The following HMGXB4 variants were observed in gnomAD, a reference collection of about 807,000 sequenced individuals.
HMGXB4 encodes HMG-box containing 4, also known as HMG domain-containing protein 4.
HMGXB4 carries 27 observed loss-of-function variants against 63.9 expected under a neutral mutation model. The ratio of observed to expected loss-of-function variants is 0.42; its 90% confidence interval spans 0.31 to 0.58. The LOEUF (loss-of-function observed/expected upper bound fraction) is 0.58. Ranked by LOEUF, HMGXB4 falls within the 20% of genes least tolerant of loss-of-function variation. HMGXB4 has a pLI of 0.13. For missense variants in HMGXB4, 624 were observed against 700.7 expected (o/e 0.89, Z 1.24); for synonymous variants, 264 against 265.3 (o/e 0.99, Z 0.05).
the HMGXB4 span, among the ~76,000 whole-genome samples, chr22:35,251,628 T>C: frequency 2.0e-5 from 3 of 152,220 alleles, no homozygotes; most frequent in African/African-American, 4.8e-5. Flanking sequence ...TTACCAGGTG[T>C]GTGGGAAAAT....
At chr22:35,256,538 C>A (rs548912293), upstream of HMGXB4, among the ~76,000 whole-genome samples, 134 of 152,226 alleles carry the variant, frequency 8.8e-4, no homozygotes, top group Non-Finnish European at 1.7e-3. Flanking sequence ...CTCACTCTGT[C>A]CCCCAGGCTG....
At chr22:35,266,686 G>A (rs550259788) in intron 5 of HMGXB4, among the ~76,000 whole-genome samples, 1 of 152,294 alleles carries the variant, frequency 6.6e-6, no homozygotes, top group East Asian at 1.9e-4. Context: ...AAAATCAAAT[G>A]TATTAAGAAT....
chr22:35,265,133 C>T lies in HMGXB4; in HGVS notation c.745C>T (p.Arg249Trp), dbSNP rs1188711145. The T allele has an allele frequency of 3.7e-6, 6 of 1,614,002 alleles. No individual in the cohort carries two copies. Among genetic ancestry groups the T allele is most frequent in the Admixed American group, 1.7e-5 (1 of 60,010 alleles). ...GTTACAGAGCTTTCTGAAAACAGCC[C>T]GGAAAAAGCACAAGTCATCCTCAGA... ...HELQSFLKTA[R>W]KKHKSSSDAH... The change falls in exon 5 of 11, where the codon CGG (arginine) becomes TGG (tryptophan). Residue 249 changes from arginine (R) to tryptophan (W), a missense_variant. Transcript: ENST00000216106.
At chr22:35,290,248 C>T (rs1476241649) in intron 9 of HMGXB4, among the ~76,000 whole-genome samples, 1 of 152,146 alleles carries the variant, frequency 6.6e-6, no homozygotes, top group Admixed American at 6.5e-5. Flanking sequence ...TTAGTAAGTA[C>T]AAAGTTCACC....
At chr22:35,261,308 C>CGT (rs1922837308) in intron 1 of HMGXB4, among the ~76,000 whole-genome samples, 1 of 151,794 alleles carries the variant, frequency 6.6e-6, no homozygotes, top group South Asian at 2.1e-4. Context: ...CGGTGGCAGG[C>CGT]GCCTGTAATC....
chr22:35,267,538 T>C (rs1013111949), intron 5 of HMGXB4, among the ~76,000 whole-genome samples: 3 of 152,188 alleles, frequency 2.0e-5, no homozygotes, highest in Non-Finnish European at 2.9e-5. Context: ...AACTGAACTC[T>C]ACTTGTGCAA....
chr22:35,261,391 G>A (rs551051622), intron 1 of HMGXB4, among the ~76,000 whole-genome samples: 21 of 148,836 alleles, frequency 1.4e-4, no homozygotes, highest in East Asian at 1.2e-3. Context: ...AACCAATATC[G>A]TGCCACTGCA....
chr22:35,244,990 AG>A, the HMGXB4 span, among the ~76,000 whole-genome samples: 1 of 152,202 alleles, frequency 6.6e-6, no homozygotes, highest in Non-Finnish European at 1.5e-5. Context: ...CTCCTGCCTC[AG>A]CCTCCCGAGT....
chr22:35,293,253 A>G lies in HMGXB4; in HGVS notation c.1761+139A>G, dbSNP rs572121564. On this transcript the variant is annotated intron_variant, in intron 10 of 10. Transcript: ENST00000216106. ...CTGTTGGCCCATGGAACATGATGCT[A>G]TATTATCAAATGCATGCTGTACTTT... 75 of 929,552 alleles carry G rather than the reference A, an allele frequency of 8.1e-5. No homozygotes were observed. The East Asian group carries it at 1.4e-3, about 17-fold the overall frequency. 57.6% of individuals were successfully genotyped at this position (929,552 alleles called of 1,614,324 possible).
chr22:35,285,501 C>T (rs1213081897), intron 6 of HMGXB4, among the ~76,000 whole-genome samples: 3 of 152,066 alleles, frequency 2.0e-5, no homozygotes, highest in African/African-American at 7.2e-5. Context: ...GTTGAGATCA[C>T]GCCACTTCAC....
At chr22:35,249,953 C>A in the HMGXB4 span, 4 of 98,386 alleles carry the variant, frequency 4.1e-5, 2 homozygotes, top group Non-Finnish European at 1.1e-4. Context: ...TGGCCCAGGT[C>A]CTTCCAGGTT....
At chr22:35,263,289 AGTTTTTTTTT>A (rs1204571520) in intron 3 of HMGXB4, 63 bp downstream of exon 3, 5 of 1,259,280 alleles carry the variant, frequency 4.0e-6, no homozygotes, top group Admixed American at 2.3e-5. Flanking sequence ...GGTGATGCAG[AGTTTTTTTTT>A]GTTTTTTTTT....
chr22:35,276,803 G>A (rs1236585180), intron 5 of HMGXB4, among the ~76,000 whole-genome samples: 2 of 152,130 alleles, frequency 1.3e-5, no homozygotes, highest in African/African-American at 4.8e-5. Context: ...CTAAAATAGT[G>A]TTTTTAGTTT....
In HMGXB4 at chr22:35,263,831, C is replaced by G; in HGVS notation, c.216C>G (p.His72Gln). 1 of 1,613,488 alleles carries G rather than the reference C, an allele frequency of 6.2e-7. No homozygotes were observed. The highest frequency in any genetic ancestry group is 8.5e-7 in the Non-Finnish European group (1 of 1,179,470). The change falls in exon 4 of 11, where the codon CAC becomes CAG. Residue 72 changes from histidine (H) to glutamine (Q), a missense_variant. Around this residue, in one of 2 missense-constraint regions of HMGXB4, gnomAD observed 472 missense variants for 470.6 expected, o/e 1.00. Transcript: ENST00000216106. ...TTTACTTCTTGGGGACGGACACACA[C>G]AAGAAGAAGAGGAAGCACTCCTCTG... is the stretch of plus-strand genomic sequence containing the variant. The part of the protein sequence containing the change: ...SELYFLGTDT[H>Q]KKKRKHSSDD...
chr22:35,246,337 C>T, the HMGXB4 span, among the ~76,000 whole-genome samples: 1 of 152,058 alleles, frequency 6.6e-6, no homozygotes, highest in Non-Finnish European at 1.5e-5. Flanking sequence ...TGCAGTGGCA[C>T]GATCTCGGCT....
intron 5 of HMGXB4, among the ~76,000 whole-genome samples, chr22:35,267,926 C>G (rs1191016630): frequency 6.6e-6 from 1 of 152,100 alleles, no homozygotes; most frequent in African/African-American, 2.4e-5. Flanking sequence ...TATCATTAAC[C>G]TGAGTTCAAT....
At chr22:35,250,676 C>T in the HMGXB4 span, among the ~76,000 whole-genome samples, 3 of 151,962 alleles carry the variant, frequency 2.0e-5, no homozygotes, top group Non-Finnish European at 4.4e-5. Flanking sequence ...AGGAGCAAAC[C>T]GGTCAGCTTA....
At chr22:35,287,934 G>A (rs1165327727) in intron 8 of HMGXB4, among the ~76,000 whole-genome samples, 1 of 150,540 alleles carries the variant, frequency 6.6e-6, no homozygotes, top group East Asian at 2.0e-4. Flanking sequence ...GGCAACAAGA[G>A]CAAAACTCCA....
chr22:35,265,811 G>A (rs1211003151), intron 5 of HMGXB4, among the ~76,000 whole-genome samples: 1 of 150,518 alleles, frequency 6.6e-6, no homozygotes, highest in Admixed American at 6.6e-5. Context: ...TTTTGAGATG[G>A]AGTCTCGCTC....
Sources: gnomAD v4.1 joint callset for allele counts (sites outside exome capture counted in the v4.1 genomes callset) on GRCh38, gnomAD v4.1.1 for gene constraint, gnomAD v4.1.1 regional missense constraint, MANE v1.5 for transcripts, NCBI Gene and HGNC (gene_info 2026-07-23, HGNC 2026-07-21) for gene names.